The following TDRD9 variants were observed in gnomAD, a reference collection of about 807,000 sequenced individuals.
TDRD9 encodes ATP-dependent RNA helicase TDRD9.
In TDRD9, 124 loss-of-function variants were observed where a neutral mutation model predicts 172.6. The observed-to-expected ratio is 0.72, with a 90% CI of 0.62 to 0.83. The LOEUF (loss-of-function observed/expected upper bound fraction) is 0.83, where lower values mean the gene tolerates loss of function less well. Ranked by LOEUF, TDRD9 falls within the 40% of genes least tolerant of loss-of-function variation. TDRD9 has a pLI of 0.00. For missense variants in TDRD9, 1,479 were observed against 1,714.1 expected, an observed-to-expected ratio of 0.86 and a Z score of 2.42; for synonymous variants, 619 against 617.1, an observed-to-expected ratio of 1.00 and a Z score of -0.05.
At chr14:104,012,723 C>T (rs977864308) in intron 20 of TDRD9, among the ~76,000 whole-genome samples, 2 of 151,772 alleles carry the variant, frequency 1.3e-5, no homozygotes, top group African/African-American at 4.8e-5. Context: ...TGTTGGTTTC[C>T]TCTCTGACTA....
intron 8 of TDRD9, among the ~76,000 whole-genome samples, chr14:103,990,712 G>T (rs138821008): frequency 8.6e-4 from 131 of 152,344 alleles, no homozygotes; most frequent in African/African-American, 3.0e-3. Flanking sequence ...GTTCATGGAA[G>T]AATGAAAGTT....
intron 1 of TDRD9, among the ~76,000 whole-genome samples, chr14:103,952,190 GTATATATATATA>G (rs1566734586): frequency 0.013 from 733 of 55,514 alleles, 22 homozygotes; most frequent in African/African-American, 0.047. Flanking sequence ...GCGTGTGTGT[GTATATATATATA>G]TATATATATA....
At chr14:103,947,546 C>G (rs1382117021) in intron 1 of TDRD9, among the ~76,000 whole-genome samples, 2 of 152,046 alleles carry the variant, frequency 1.3e-5, no homozygotes, top group Non-Finnish European at 2.9e-5. Context: ...GCCAGATGGT[C>G]TGGATCTCCT....
At chr14:103,995,921 A>G (rs2034043230) in intron 12 of TDRD9, 114 bp downstream of exon 12, 1 of 960,668 alleles carries the variant, frequency 1.0e-6, no homozygotes, top group South Asian at 1.9e-5. Context: ...CCCGTTTTGG[A>G]ACACAGAATT....
intron 34 of TDRD9, among the ~76,000 whole-genome samples, chr14:104,043,955 G>A (rs976504596): frequency 3.3e-5 from 5 of 152,180 alleles, no homozygotes; most frequent in Admixed American, 2.0e-4. Context: ...ACAGCCTGTG[G>A]GGGGCTCGTC....
chr14:104,051,906 G>A (rs1187710414), intron 35 of TDRD9, 75 bp from the exon 36 acceptor site: 6 of 863,808 alleles, frequency 6.9e-6, no homozygotes, highest in African/African-American at 1.7e-5. Flanking sequence ...CATCCTGGAT[G>A]TTAATGCATG....
rs140030779 is a variant in TDRD9 at position 104,042,154 on chromosome 14, A to G, written c.3941A>G (p.Gln1314Arg). ...TGTCTTGGGCCAGAGAGAGTTGCGC[A>G]GCTTCAAGACATTGCCCGTCAGAAG... ...CKCLGPERVA[Q>R]LQDIARQKLL... Residue 1314 changes from glutamine to arginine, a missense_variant, in exon 34 of 36, where the codon CAG (glutamine) becomes CGG (arginine). This residue lies in a region of TDRD9 where 1,413 missense variants were observed against 1,649.1 expected (regional missense o/e 0.86). Coordinates refer to ENST00000409874, the MANE Select transcript of TDRD9 (RefSeq NM_153046.3). 9 of 1,613,472 alleles carry G rather than the reference A, an allele frequency of 5.6e-6. No homozygotes were observed. In the African/African-American group the frequency reaches 1.1e-4, roughly 19 times the overall value.
At chr14:104,005,152 AT>A in intron 14 of TDRD9, 121 bp from the exon 15 acceptor site, 2 of 902,680 alleles carry the variant, frequency 2.2e-6, no homozygotes, top group Non-Finnish European at 1.6e-6. Flanking sequence ...AATCCTCTCC[AT>A]TTTTCTTTCT....
chr14:104,036,623 T>C (rs971823770), intron 32 of TDRD9, among the ~76,000 whole-genome samples: 1 of 152,204 alleles, frequency 6.6e-6, no homozygotes, highest in Non-Finnish European at 1.5e-5. Context: ...TTGAATGATA[T>C]AGTGTGTTAT....
intron 2 of TDRD9, among the ~76,000 whole-genome samples, chr14:103,959,557 A>T (rs1277740668): frequency 6.6e-6 from 1 of 151,892 alleles, no homozygotes; most frequent in East Asian, 1.9e-4. Flanking sequence ...ATGAGATTAC[A>T]CTGATGCCTC....
chr14:103,987,433 A>G (rs963048710), intron 8 of TDRD9, among the ~76,000 whole-genome samples: 16 of 152,066 alleles, frequency 1.1e-4, no homozygotes, highest in African/African-American at 3.9e-4. Context: ...GTGTCCCATT[A>G]GTTCTGCTAT....
At chr14:103,971,415 A>G (rs1595931235) in intron 6 of TDRD9, among the ~76,000 whole-genome samples, 1 of 145,198 alleles carries the variant, frequency 6.9e-6, no homozygotes. Context: ...AGCAATTCTC[A>G]TGCCTCAGCC....
chr14:103,935,445 C>G (rs1449051333), intron 1 of TDRD9, among the ~76,000 whole-genome samples: 1 of 152,132 alleles, frequency 6.6e-6, no homozygotes, highest in African/African-American at 2.4e-5. Flanking sequence ...ACAGGTGTTG[C>G]CTTCAGGTAA....
intron 1 of TDRD9, among the ~76,000 whole-genome samples, chr14:103,952,218 ATATTT>A (rs1566734917): frequency 2.7e-3 from 121 of 44,080 alleles, no homozygotes; most frequent in South Asian, 0.015. Flanking sequence ...ATATATATAT[ATATTT>A]TTTTTTTTTT....
intron 19 of TDRD9, 93 bp downstream of exon 19, chr14:104,007,297 G>A (rs150896363): frequency 4.1e-6 from 5 of 1,223,666 alleles, no homozygotes; most frequent in African/African-American, 3.0e-5. Context: ...GAATCATGAC[G>A]GTGCCACCTG....
intron 10 of TDRD9, 55 bp from the exon 11 acceptor site, chr14:103,994,464 T>A: frequency 6.2e-7 from 1 of 1,604,938 alleles, no homozygotes; most frequent in Non-Finnish European, 8.5e-7. Context: ...GTATTTATTT[T>A]TGTATCTCAT....
chr14:104,006,398 C>T lies in TDRD9; in HGVS notation c.1723C>T (p.Leu575Phe). ...TILLLKEVGA[L>F]AVSGQREDEN... ...ATTTTATTTTATAAAGGTTGGAGCA[C>T]TTGCAGTGAGTGGGCAGAGAGAAGA... Residue 575 changes from leucine (L) to phenylalanine (F), a missense_variant, in exon 16 of 36, where the codon CTT becomes TTT. Physicochemically the swap from Leu to Phe is conservative, Grantham distance 22 (BLOSUM62 0). This residue lies in a region of TDRD9 where 1,413 missense variants were observed against 1,649.1 expected (regional missense o/e 0.86). Coordinates refer to ENST00000409874, the MANE Select transcript of TDRD9 (RefSeq NM_153046.3). The T allele has an allele frequency of 6.2e-7, 1 of 1,613,632 alleles. No homozygotes were observed. The highest frequency in any genetic ancestry group is 8.5e-7 in the Non-Finnish European group (1 of 1,179,708).
intron 1 of TDRD9, among the ~76,000 whole-genome samples, chr14:103,934,917 A>G (rs2030654007): frequency 6.6e-6 from 1 of 152,190 alleles, no homozygotes; most frequent in South Asian, 2.1e-4. Context: ...TGTTTTTTGA[A>G]GGTGTTTTTT....
intron 1 of TDRD9, among the ~76,000 whole-genome samples, chr14:103,937,537 T>C (rs2030848853): frequency 6.6e-6 from 1 of 152,214 alleles, no homozygotes; most frequent in African/African-American, 2.4e-5. Flanking sequence ...ACTGAACTCC[T>C]GCCTCCATCC....
Sources: allele counts gnomAD v4.1 joint callset (sites outside exome capture counted in the v4.1 genomes callset), GRCh38; gene constraint gnomAD v4.1.1; regional missense constraint gnomAD v4.1.1; transcripts MANE v1.5; gene names NCBI Gene and HGNC (gene_info 2026-07-23, HGNC 2026-07-21).